LRRK1: variants seen among roughly 807,000 people sequenced by gnomAD.
LRRK1 encodes leucine-rich repeat serine/threonine-protein kinase 1.
A neutral mutation model predicts 209.1 loss-of-function variants in LRRK1; 113 were observed. That is an observed-to-expected ratio of 0.54 (90% CI 0.46 to 0.63). The LOEUF is 0.63. Ranked by LOEUF, LRRK1 falls within the 30% of genes least tolerant of loss-of-function variation. The pLI is 0.00. For missense variants in LRRK1, 2,284 were observed against 2,632.2 expected, an observed-to-expected ratio of 0.87 and a Z score of 2.89; for synonymous variants, 1,144 against 1,099.7, an observed-to-expected ratio of 1.04 and a Z score of -0.80.
intron 29 of LRRK1, among the ~76,000 whole-genome samples, chr15:101,058,785 G>GT (rs2035977008): frequency 6.9e-6 from 1 of 145,676 alleles, no homozygotes; most frequent in Admixed American, 6.8e-5. Context: ...TATTGCCAGA[G>GT]TTAAAAAAAA....
chr15:101,069,115 G>A lies in LRRK1; in HGVS notation c.*267G>A. ...GGAAGACAGTGGTATCAGGCTGGGAGCGGCCTCCTCTGGCCTCCCCCATCA... is the reference window on the plus strand; with the variant it reads ...GGAAGACAGTGGTATCAGGCTGGGAACGGCCTCCTCTGGCCTCCCCCATCA... On this transcript the variant is annotated 3_prime_UTR_variant, in exon 34 of 34. Transcript: ENST00000388948. 2.9e-6 allele frequency: 1 copy of A among 341,200 alleles called. No homozygotes were observed. The highest frequency in any genetic ancestry group is 5.3e-6 in the Non-Finnish European group (1 of 187,280). 21.1% of individuals were successfully genotyped at this position (341,200 alleles called of 1,614,324 possible). A position where few individuals can be genotyped will look rare whatever the true frequency, so the allele number is the denominator to read the frequency against.
At chr15:101,038,831 G>C (rs2141114040) in intron 20 of LRRK1, among the ~76,000 whole-genome samples, 1 of 152,284 alleles carries the variant, frequency 6.6e-6, no homozygotes, top group African/African-American at 2.4e-5. Context: ...CCCTGCGCCA[G>C]TGGCCATCTT....
chr15:101,009,938 C>T lies in LRRK1; in HGVS notation c.990-512C>T, dbSNP rs148270954. 2.3e-3 allele frequency among the ~76,000 whole-genome samples: 343 copies of T among 152,268 alleles called. 2 individuals carry two copies. Among genetic ancestry groups the T allele is most frequent in the Non-Finnish European group, 2.0e-3 (137 of 68,014 alleles). ...GTCCTCATTCCATAAAGGGTTGAAT[C>T]GATTTTTAAAATGAAAAACCAAGGC... is the stretch of plus-strand genomic sequence containing the variant. On this transcript the variant is annotated intron_variant, in intron 7 of 33. Transcript: ENST00000388948.
chr15:101,044,746 C>A (rs1194870144), intron 20 of LRRK1, among the ~76,000 whole-genome samples: 1 of 152,208 alleles, frequency 6.6e-6, no homozygotes, highest in African/African-American at 2.4e-5. Context: ...ACATGGGGCA[C>A]CACCACTGTA....
Position 101,022,325 on chromosome 15 carries a change from C to T in LRRK1, c.1853-58C>T. 1 of 1,513,954 alleles carries T rather than the reference C, an allele frequency of 6.6e-7. No homozygotes were observed. 93.8% of individuals were successfully genotyped at this position (1,513,954 alleles called of 1,614,324 possible). A position where few individuals can be genotyped will look rare whatever the true frequency, so the allele number is the denominator to read the frequency against. On this transcript the variant is annotated intron_variant, in intron 14 of 33. Transcript: ENST00000388948. The surrounding 1 kb of genome is among the most constrained non-coding windows in gnomAD (Gnocchi z 4.0). ...TTCCTTCACAACAGGATTTTGTGTC[C>T]TAAGAGATGTGAGCATGTGCCCACG... is the stretch of plus-strand genomic sequence containing the variant.
intron 2 of LRRK1, among the ~76,000 whole-genome samples, chr15:100,961,205 C>A (rs564346822): frequency 1.3e-5 from 2 of 152,298 alleles, no homozygotes; most frequent in Admixed American, 1.3e-4. Context: ...TGGCTCAGGT[C>A]TCTTTTCCTA....
At chr15:100,940,710 C>T (rs887130422) in intron 2 of LRRK1, among the ~76,000 whole-genome samples, 1 of 152,144 alleles carries the variant, frequency 6.6e-6, no homozygotes, top group Non-Finnish European at 1.5e-5. Flanking sequence ...TAGAGAGGGG[C>T]CCTGGAGGTG....
intron 2 of LRRK1, among the ~76,000 whole-genome samples, chr15:100,956,375 CT>C (rs374497595): frequency 4.4e-5 from 6 of 136,776 alleles, no homozygotes; most frequent in South Asian, 2.3e-4. Flanking sequence ...AGTTCTCTTT[CT>C]TTTTTTTCTT....
intron 6 of LRRK1, among the ~76,000 whole-genome samples, chr15:100,996,157 C>A (rs1260397497): frequency 6.6e-6 from 1 of 152,260 alleles, no homozygotes; most frequent in Admixed American, 6.5e-5. Flanking sequence ...TGGGGAACAA[C>A]CCTGTCTTAG....
chr15:101,052,940 C>T lies in LRRK1; in HGVS notation c.3708C>T (p.Ser1236=). The T allele has an allele frequency of 6.2e-7, 1 of 1,607,994 alleles. No individual in the cohort carries two copies. The highest frequency in any genetic ancestry group is 8.5e-7 in the Non-Finnish European group (1 of 1,175,528). ...DFPARLFLEN[S]KLEHSEDEGS... Reference sequence around the variant, plus strand: ...GTGGCAGGCTCTTCCTGGAGAACAGCAAGCTGGAGCACAGCGAGGACGAGG... The same window carrying T: ...GTGGCAGGCTCTTCCTGGAGAACAGTAAGCTGGAGCACAGCGAGGACGAGG... Residue 1236 remains serine, a synonymous_variant, in exon 25 of 34, where the codon AGC becomes AGT. Coordinates refer to ENST00000388948, the MANE Select transcript of LRRK1 (RefSeq NM_024652.6).
rs568822120 is a variant in LRRK1 at position 100,951,964 on chromosome 15, AAAT to A, written c.98-21819_98-21817del. ...GCGAAACTCCATCTCAGAAAAAAAA[AAAT>A]AATAATAATAATAATAATAAAATAA... is the stretch of plus-strand genomic sequence containing the variant. On this transcript the variant is annotated intron_variant, in intron 2 of 33. Transcript: ENST00000388948. Among the ~76,000 whole-genome samples the A allele has an allele frequency of 7.2e-4, 105 of 146,510 alleles. No homozygotes were observed. In the East Asian group the frequency reaches 9.6e-3, roughly 13 times the overall value.
intron 7 of LRRK1, 54 bp downstream of exon 7, chr15:101,009,117 G>T (rs910306278): frequency 7.4e-7 from 1 of 1,347,610 alleles, no homozygotes; most frequent in Non-Finnish European, 1.1e-6. Context: ...TCACCGTTGT[G>T]CTCCTGCACA....
rs1348192080 is a variant in LRRK1 at position 101,015,320 on chromosome 15, C to T, written c.1533-6C>T. On this transcript the variant is annotated splice_region_variant and splice_polypyrimidine_tract_variant and intron_variant, in intron 11 of 33. Transcript: ENST00000388948. The stretch of plus-strand genomic sequence containing the variant: ...CTCAAATTTTGTCTCTTTTTCCTCC[C>T]CCCAGAAATGAAGATGGACTGAAAA... The T allele has an allele frequency of 5.6e-6, 9 of 1,612,606 alleles. No homozygotes were observed. Among genetic ancestry groups the T allele is most frequent in the Non-Finnish European group, 6.8e-6 (8 of 1,178,978 alleles).
intron 2 of LRRK1, among the ~76,000 whole-genome samples, chr15:100,926,255 T>C (rs1397494790): frequency 6.6e-6 from 1 of 152,122 alleles, no homozygotes; most frequent in Non-Finnish European, 1.5e-5. Context: ...GCTCTGTTGG[T>C]GTGAGATCGA....
intron 9 of LRRK1, among the ~76,000 whole-genome samples, 162 bp downstream of exon 9, chr15:101,010,999 G>A (rs774794019): frequency 6.6e-6 from 1 of 152,082 alleles, no homozygotes; most frequent in Non-Finnish European, 1.5e-5. Flanking sequence ...AGCATACAGC[G>A]AGGCTGTGTC....
rs762643076 is a variant in LRRK1 at position 101,048,646 on chromosome 15, G to A, written c.3288G>A (p.Gly1096=). The A allele has an allele frequency of 6.6e-7, 1 of 1,519,538 alleles. No homozygotes were observed. The highest frequency in any genetic ancestry group is 8.8e-7 in the Non-Finnish European group (1 of 1,141,354). The allele number at this position is 1,519,538 out of a possible 1,614,324, so 94.1% of individuals were successfully genotyped here. A position where few individuals can be genotyped will look rare whatever the true frequency, so the allele number is the denominator to read the frequency against. Residue 1096 remains glycine (G), a synonymous_variant, in exon 22 of 34, where the codon GGG becomes GGA. Coordinates refer to ENST00000388948, the MANE Select transcript of LRRK1 (RefSeq NM_024652.6). ...AAGGGCTCCTGGTCACTTTTGATGG[G>A]GGCTACCTCAGGTAGGAACACCTGG... ...WQEGLLVTFD[G]GYLSVESSDV...
chr15:100,974,785 A>G (rs907844764), intron 3 of LRRK1, among the ~76,000 whole-genome samples: 1 of 152,232 alleles, frequency 6.6e-6, no homozygotes, highest in Non-Finnish European at 1.5e-5. Context: ...ATACATGCCA[A>G]GCTGTTTTCC....
intron 3 of LRRK1, among the ~76,000 whole-genome samples, chr15:100,981,243 C>G (rs2031578908): frequency 6.6e-6 from 1 of 152,202 alleles, no homozygotes; most frequent in Admixed American, 6.5e-5. Flanking sequence ...ACGTCACTTA[C>G]CACCTCTAGA....
intron 2 of LRRK1, among the ~76,000 whole-genome samples, chr15:100,925,746 A>G (rs561944163): frequency 6.6e-5 from 10 of 152,338 alleles, no homozygotes; most frequent in African/African-American, 2.4e-4. Context: ...CCTCACGACA[A>G]CCTGGCACAT....
Sources: gnomAD v4.1 joint callset for allele counts (sites outside exome capture counted in the v4.1 genomes callset) on GRCh38, gnomAD v4.1.1 for gene constraint, Gnocchi (gnomAD v3.1) non-coding constraint, MANE v1.5 for transcripts, NCBI Gene and HGNC (gene_info 2026-07-23, HGNC 2026-07-21) for gene names.